Variants in GGT1 observed in about 807,000 individuals in gnomAD.
The protein encoded by GGT1 is glutathione hydrolase 1 proenzyme.
GGT1 carries 21 observed loss-of-function variants against 56.0 expected under a neutral mutation model. That is an observed-to-expected ratio of 0.38 (90% confidence interval 0.27 to 0.54). The LOEUF (loss-of-function observed/expected upper bound fraction) is 0.54. Ranked by LOEUF, GGT1 falls within the 20% of genes least tolerant of loss-of-function variation. The pLI, the probability that GGT1 is intolerant of heterozygous loss-of-function variation, is 0.82. For synonymous variants in GGT1, 238 were observed against 342.6 expected (o/e 0.69, Z 3.37); for missense variants, 466 against 787.0 (o/e 0.59, Z 4.88).
chr22:24,611,717 G>A (rs1013696086), intron 5 of GGT1, among the ~76,000 whole-genome samples: 34 of 151,790 alleles, frequency 2.2e-4, no homozygotes, highest in Admixed American at 5.3e-4. Flanking sequence ...TGATTCTCAT[G>A]CCTAAGTCTC....
the GGT1 span, chr22:24,588,332 G>C: frequency 6.2e-7 from 1 of 1,606,336 alleles, no homozygotes; most frequent in Non-Finnish European, 8.5e-7. Flanking sequence ...TCATAGTCCT[G>C]TGGGAGGGCA....
At chr22:24,596,235 C>T (rs1334182225) in intron 1 of GGT1, among the ~76,000 whole-genome samples, 1 of 152,206 alleles carries the variant, frequency 6.6e-6, no homozygotes, top group Non-Finnish European at 1.5e-5. Flanking sequence ...TAGCAAATTA[C>T]CACAAACTCA....
chr22:24,600,668 A>C (rs2045767655), upstream of GGT1, among the ~76,000 whole-genome samples: 1 of 152,238 alleles, frequency 6.6e-6, no homozygotes, highest in African/African-American at 2.4e-5. Context: ...ACCTCCCTCC[A>C]TCACAGCTGA....
At chr22:24,598,764 G>A (rs2045736154), upstream of GGT1, among the ~76,000 whole-genome samples, 1 of 152,100 alleles carries the variant, frequency 6.6e-6, no homozygotes, top group Non-Finnish European at 1.5e-5. Flanking sequence ...TTTTGCCCAG[G>A]CTGGTCGTGA....
rs1264744254 is a variant in GGT1 at position 24,628,427 on chromosome 22, G to A, written c.1563+39G>A. On this transcript the variant is annotated intron_variant, in intron 15 of 15. Coordinates refer to ENST00000400382, the MANE Select transcript of GGT1 (RefSeq NM_001288833.2). This position sits in a 1 kb window ranked among gnomAD's most constrained non-coding sequence, Gnocchi z 5.7. ...TGGAGAAACTGAGTCAAGGTGTGGG[G>A]CCCCAGGGCATCCTGGGCTGGAGGC... is the stretch of plus-strand genomic sequence containing the variant. The A allele has an allele frequency of 1.2e-6, 2 of 1,608,034 alleles. No homozygotes were observed. Among genetic ancestry groups the A allele is most frequent in the Non-Finnish European group, 8.5e-7 (1 of 1,179,854 alleles).
upstream of GGT1, among the ~76,000 whole-genome samples, chr22:24,602,676 T>G (rs2045804085): frequency 2.6e-5 from 4 of 152,142 alleles, no homozygotes; most frequent in South Asian, 8.3e-4. Context: ...CTGGATTATG[T>G]GACTCCCTTC....
chr22:24,610,364 G>C lies in GGT1; in HGVS notation c.-175G>C. On this transcript the variant is annotated 5_prime_UTR_variant, in exon 4 of 16. Coordinates refer to ENST00000400382, the MANE Select transcript of GGT1 (RefSeq NM_001288833.2). ...AACCTCCCTTGACCTTCAGGAGAAC[G>C]AGAAGGCTGCCTGATCAGAGAGTCC... 1 of 212,894 alleles carries C rather than the reference G, an allele frequency of 4.7e-6. No homozygotes were observed. Among genetic ancestry groups the C allele is most frequent in the South Asian group, 6.5e-5 (1 of 15,446 alleles). 13.2% of individuals were successfully genotyped at this position (212,894 alleles called of 1,614,324 possible). A position where few individuals can be genotyped will look rare whatever the true frequency, so the allele number is the denominator to read the frequency against.
At chr22:24,617,269 G>A (rs1352843346) in intron 7 of GGT1, among the ~76,000 whole-genome samples, 1 of 152,162 alleles carries the variant, frequency 6.6e-6, no homozygotes, top group East Asian at 1.9e-4. Context: ...GAGCCCTGTG[G>A]GGAGCTGGGG....
At chr22:24,604,767 T>G (rs980484330) in intron 1 of GGT1, among the ~76,000 whole-genome samples, 1 of 151,558 alleles carries the variant, frequency 6.6e-6, no homozygotes, top group Admixed American at 6.6e-5. Context: ...ACTCAGCATG[T>G]GAGGAAAAGC....
Position 24,605,133 on chromosome 22 carries a change from T to TAA in GGT1, c.-429+1606_-429+1607insAA, listed in dbSNP as rs1491215736. Among the ~76,000 whole-genome samples the TAA allele has an allele frequency of 2.6e-5, 2 of 75,896 alleles. 1 individual carries two copies. Among genetic ancestry groups the TAA allele is most frequent in the African/African-American group, 1.6e-4 (2 of 12,256 alleles). The allele number at this position is 75,896 out of a possible 152,430, so 49.8% of individuals were successfully genotyped here. On this transcript the variant is annotated intron_variant, in intron 1 of 15. Coordinates refer to ENST00000400382, the MANE Select transcript of GGT1 (RefSeq NM_001288833.2). ...TATATATTATATAATATGTAATATATTATATAATATATAATATGTATTATA... is the reference window on the plus strand; with the variant it reads ...TATATATTATATAATATGTAATATATAATATATAATATATAATATGTATTATA...
upstream of GGT1, chr22:24,592,987 C>T: frequency 8.6e-7 from 1 of 1,158,140 alleles, no homozygotes; most frequent in Non-Finnish European, 1.1e-6. Context: ...GGCCGCCGCC[C>T]CGGCCTCAGA....
In GGT1 at chr22:24,597,157, A is replaced by G. The variant is rs555789246; in HGVS notation, c.-324+2271A>G. 2.6e-5 allele frequency among the ~76,000 whole-genome samples: 4 copies of G among 151,644 alleles called. No homozygotes were observed. In the East Asian group the frequency reaches 7.9e-4, roughly 30 times the overall value. On this transcript the variant is annotated intron_variant, in intron 1 of 6. Transcript: ENST00000411974. The stretch of plus-strand genomic sequence containing the variant: ...GCCACCACGCCCAGCTAATTTTTGT[A>G]TTTTTAGTAGAGACAGCGTTTCACC...
At chr22:24,605,128 ATATATTATATAATATATAATATGTAT>A (rs1569047833) in intron 1 of GGT1, among the ~76,000 whole-genome samples, 286 of 23,330 alleles carry the variant, frequency 0.012, 94 homozygotes, top group African/African-American at 0.044. Flanking sequence ...ATAATATGTA[ATATATTATATAATATATAATATGTAT>A]TATATTATAT....
In GGT1 at chr22:24,605,296, T is replaced by TGTATTATATATTATATAATAC. The variant is rs1601634479; in HGVS notation, c.-429+1789_-429+1790insCGTATTATATATTATATAATA. On this transcript the variant is annotated intron_variant, in intron 1 of 15. Transcript: ENST00000400382. ...AATATGTATTATATATTATATAATA[T>TGTATTATATATTATATAATAC]GTATTATATATTATATAATATGTAT... Among the ~76,000 whole-genome samples the TGTATTATATATTATATAATAC allele has an allele frequency of 9.9e-5, 3 of 30,432 alleles. 1 individual carries two copies. Among genetic ancestry groups the TGTATTATATATTATATAATAC allele is most frequent in the East Asian group, 2.6e-3 (2 of 760 alleles). The allele number at this position is 30,432 out of a possible 152,430, so 20.0% of individuals were successfully genotyped here.
upstream of GGT1, chr22:24,592,131 G>C: frequency 7.9e-6 from 3 of 378,880 alleles, no homozygotes; most frequent in Non-Finnish European, 1.6e-5. Context: ...GTGGGGACGG[G>C]GTGGTGAGGG....
intron 11 of GGT1, 68 bp downstream of exon 11, chr22:24,623,984 G>T (rs1444613098): frequency 6.3e-7 from 1 of 1,599,054 alleles, no homozygotes; most frequent in Non-Finnish European, 8.5e-7. Context: ...GGGCTCCCCA[G>T]GGTGGCTACA....
chr22:24,619,508 G>A (rs1206360390), intron 7 of GGT1, among the ~76,000 whole-genome samples: 2 of 152,126 alleles, frequency 1.3e-5, no homozygotes, highest in African/African-American at 4.8e-5. Flanking sequence ...AGCCAAGGCT[G>A]CAGTGAGCCA....
chr22:24,615,284 T>A (rs2046988324), intron 7 of GGT1, among the ~76,000 whole-genome samples, 157 bp downstream of exon 7: 2 of 152,186 alleles, frequency 1.3e-5, no homozygotes, highest in African/African-American at 4.8e-5. Flanking sequence ...CAATGAGTGG[T>A]CAGGACCATC....
chr22:24,627,453 G>C lies in GGT1; in HGVS notation c.1042G>C (p.Glu348Gln). The change falls in exon 12 of 16, where the codon GAG (glutamate) becomes CAG (glutamine). Residue 348 changes from glutamate (E) to glutamine (Q), a missense_variant. Transcript: ENST00000400382. ...GCAGGTGGTCCGCAACATGACCTCCGAGTTCTTCGCTGCCCAGCTCCGGGC... is the reference window on the plus strand; with the variant it reads ...GCAGGTGGTCCGCAACATGACCTCCCAGTTCTTCGCTGCCCAGCTCCGGGC... Reference protein sequence around the residue: ...VTEVVRNMTSEFFAAQLRAQI... With the variant: ...VTEVVRNMTSQFFAAQLRAQI... 6.9e-7 allele frequency: 1 copy of C among 1,452,132 alleles called. No homozygotes were observed. The highest frequency in any genetic ancestry group is 1.1e-5 in the South Asian group (1 of 88,798). The allele number at this position is 1,452,132 out of a possible 1,614,324, so 90.0% of individuals were successfully genotyped here. A position where few individuals can be genotyped will look rare whatever the true frequency, so the allele number is the denominator to read the frequency against.
Sources: gnomAD v4.1 joint callset for allele counts (sites outside exome capture counted in the v4.1 genomes callset) on GRCh38, gnomAD v4.1.1 for gene constraint, Gnocchi (gnomAD v3.1) non-coding constraint, MANE v1.5 for transcripts, NCBI Gene and HGNC (gene_info 2026-07-23, HGNC 2026-07-21) for gene names.